The following PCDHA4 variants were observed in gnomAD, a reference collection of about 807,000 sequenced individuals.
PCDHA4 encodes protocadherin alpha-4.
PCDHA4 carries 49 observed loss-of-function variants against 61.4 expected under a neutral mutation model. The ratio of observed to expected loss-of-function variants is 0.80; its 90% CI spans 0.63 to 1.01. PCDHA4 has a LOEUF of 1.01. PCDHA4 is among the 50% of genes least tolerant of loss of function. The pLI is 0.00. For synonymous variants in PCDHA4, 590 were observed against 550.3 expected (o/e 1.07, Z -1.01); for missense variants, 1,254 against 1,235.8 (o/e 1.01, Z -0.22).
intron 1 of PCDHA4, chr5:140,822,178 C>T: frequency 1.2e-6 from 2 of 1,614,244 alleles, no homozygotes; most frequent in Middle Eastern, 1.6e-4. Context: ...GTTCTCCAGA[C>T]AAGAACAAAG....
intron 1 of PCDHA4, chr5:140,829,004 C>T (rs2150161840): frequency 4.3e-6 from 7 of 1,613,616 alleles, no homozygotes; most frequent in African/African-American, 4.0e-5. Flanking sequence ...AATAGTGATT[C>T]GGGGTAATTT....
Position 140,842,478 on chromosome 5 carries a change from C to A in PCDHA4, c.2385+32906C>A, listed in dbSNP as rs2150337029. 3.7e-4 allele frequency: 597 copies of A among 1,613,926 alleles called. 9 individuals carry two copies. The African/African-American group carries it at 6.5e-3, about 18-fold the overall frequency. On this transcript the variant is annotated intron_variant, in intron 1 of 3. Transcript: ENST00000530339. ...GATTCAGGTGCCAACGGGCAGGTGA[C>A]CTGCTCCCTGATGCCCCATGTCCCC...
intron 1 of PCDHA4, among the ~76,000 whole-genome samples, chr5:140,971,989 T>C (rs1183313679): frequency 1.3e-5 from 2 of 152,170 alleles, no homozygotes; most frequent in African/African-American, 4.8e-5. Context: ...AGACAGAAGT[T>C]CCAATGTTTA....
rs2093299605 is a variant in PCDHA4 at position 140,942,442 on chromosome 5, TA to T, written c.2386-36504del. 4.0e-5 allele frequency among the ~76,000 whole-genome samples: 6 copies of T among 151,626 alleles called. No homozygotes were observed. In the South Asian group the frequency reaches 1.2e-3, roughly 31 times the overall value. ...AAAAAGATATCTAACAATAAACAAG[TA>T]AACTATCAATTATAATACAATCAAA... On this transcript the variant is annotated intron_variant, in intron 1 of 3. Coordinates refer to ENST00000530339, the MANE Select transcript of PCDHA4 (RefSeq NM_018907.4).
At chr5:140,887,125 C>G (rs1391575318) in intron 1 of PCDHA4, among the ~76,000 whole-genome samples, 3 of 150,080 alleles carry the variant, frequency 2.0e-5, no homozygotes. Context: ...GAGACGGAGT[C>G]TCACTCTGTC....
chr5:140,916,840 C>G (rs1350788875), intron 1 of PCDHA4, among the ~76,000 whole-genome samples: 1 of 152,128 alleles, frequency 6.6e-6, no homozygotes, highest in African/African-American at 2.4e-5. Context: ...TGGTTCTGAG[C>G]CCAGCCCAGC....
At chr5:141,006,353 A>G (rs2098269096) in intron 3 of PCDHA4, among the ~76,000 whole-genome samples, 1 of 151,784 alleles carries the variant, frequency 6.6e-6, no homozygotes, top group Admixed American at 6.6e-5. Flanking sequence ...CTGGGACTAT[A>G]GGCGCCCACC....
chr5:140,993,462 T>TCTCACACACACA (rs1235362335), intron 3 of PCDHA4, among the ~76,000 whole-genome samples: 1 of 140,938 alleles, frequency 7.1e-6, no homozygotes, highest in African/African-American at 2.6e-5. Context: ...TCTTTCTTTC[T>TCTCACACACACA]CACACACACA....
intron 3 of PCDHA4, 112 bp downstream of exon 3, chr5:140,982,675 T>A (rs782533593): frequency 1.3e-4 from 192 of 1,441,664 alleles, no homozygotes; most frequent in Middle Eastern, 9.1e-4. Flanking sequence ...ATTTTTGTTA[T>A]TCCCTTTTTT....
intron 1 of PCDHA4, chr5:140,876,109 A>T: frequency 6.2e-7 from 1 of 1,613,946 alleles, no homozygotes; most frequent in Non-Finnish European, 8.5e-7. Context: ...TTTATTGCTG[A>T]TGGTAATCGA....
intron 1 of PCDHA4, chr5:140,849,630 G>A: frequency 1.9e-6 from 3 of 1,598,686 alleles, no homozygotes; most frequent in Non-Finnish European, 2.6e-6. Flanking sequence ...CGACCTAGAC[G>A]CAGATGCCAA....
intron 1 of PCDHA4, chr5:140,869,060 T>C (rs1490534322): frequency 2.6e-6 from 4 of 1,556,804 alleles, no homozygotes; most frequent in East Asian, 2.2e-5. Context: ...AATCTGGTAC[T>C]GTAAGTGTAA....
At chr5:140,971,603 C>T (rs1353988698) in intron 1 of PCDHA4, among the ~76,000 whole-genome samples, 1 of 152,072 alleles carries the variant, frequency 6.6e-6, no homozygotes, top group Non-Finnish European at 1.5e-5. Context: ...CTACAGATGG[C>T]AGGAGAGTCC....
chr5:140,834,385 T>C, intron 1 of PCDHA4: 1 of 1,568,318 alleles, frequency 6.4e-7, no homozygotes, highest in South Asian at 1.2e-5. Flanking sequence ...TAATTTGAAA[T>C]GGTGTGCCCG....
chr5:140,927,105 CAGCGG>C, intron 1 of PCDHA4: 1 of 1,613,778 alleles, frequency 6.2e-7, no homozygotes, highest in Non-Finnish European at 8.5e-7. Flanking sequence ...TGGATCTACC[CAGCGG>C]CAATTTGGTG....
intron 1 of PCDHA4, among the ~76,000 whole-genome samples, chr5:140,880,638 T>C (rs1239160653): frequency 6.6e-6 from 1 of 152,134 alleles, no homozygotes; most frequent in Non-Finnish European, 1.5e-5. Flanking sequence ...ATCAATTCAC[T>C]TGAGAGCCCA....
intron 1 of PCDHA4, among the ~76,000 whole-genome samples, chr5:140,911,721 A>G (rs1442469379): frequency 6.6e-6 from 1 of 152,168 alleles, no homozygotes; most frequent in African/African-American, 2.4e-5. Context: ...GTAACTCTGT[A>G]AACAGTTCGT....
Position 140,853,619 on chromosome 5 carries a change from G to C in PCDHA4, c.2385+44047G>C. 2.0e-6 allele frequency: 2 copies of C among 988,316 alleles called. 1 individual carries two copies. The allele number at this position is 988,316 out of a possible 1,614,324, so 61.2% of individuals were successfully genotyped here. A position where few individuals can be genotyped will look rare whatever the true frequency, so the allele number is the denominator to read the frequency against. ...AGAGCAAAGGGGGTGCTGTAAATAA[G>C]TATACAAGATCACAGACCTAAATTG... On this transcript the variant is annotated intron_variant, in intron 1 of 3. Transcript: ENST00000530339.
At position 140,849,753 on chromosome 5, in the gene PCDHA4, G is replaced by A. The variant is rs1294538786; in HGVS notation, c.2385+40181G>A. 17 of 1,598,282 alleles carry A rather than the reference G, an allele frequency of 1.1e-5. 1 individual carries two copies. Among genetic ancestry groups the A allele is most frequent in the Non-Finnish European group, 1.4e-5 (16 of 1,167,970 alleles). ...AGCTCTGGACCGCGAGAGTGTGTCC[G>A]CCTACGAGCTGGTGGTTACCGCGCG... On this transcript the variant is annotated intron_variant, in intron 1 of 3. Coordinates refer to ENST00000530339, the MANE Select transcript of PCDHA4 (RefSeq NM_018907.4).
Sources: gnomAD v4.1 joint callset for allele counts (sites outside exome capture counted in the v4.1 genomes callset) on GRCh38, gnomAD v4.1.1 for gene constraint, MANE v1.5 for transcripts, NCBI Gene and HGNC (gene_info 2026-07-23, HGNC 2026-07-21) for gene names.